FBXL20: variants seen among roughly 807,000 people sequenced by gnomAD.
FBXL20 encodes the protein F-box/LRR-repeat protein 20.
FBXL20 carries 11 observed loss-of-function variants against 64.0 expected under a neutral mutation model. The ratio of observed to expected loss-of-function variants is 0.17; its 90% CI spans 0.11 to 0.28. The LOEUF is 0.28. FBXL20 is among the 10% of genes least tolerant of loss of function. The pLI is 1.00. For synonymous variants in FBXL20, 184 were observed against 189.0 expected (o/e 0.97, Z 0.22); for missense variants, 303 against 526.2 (o/e 0.58, Z 4.15).
intron 2 of FBXL20, among the ~76,000 whole-genome samples, chr17:39,310,912 G>T (rs989870225): frequency 1.3e-5 from 2 of 151,892 alleles, no homozygotes; most frequent in South Asian, 2.1e-4. Context: ...TTGAACCCAG[G>T]GGGGCAGAGG....
intron 1 of FBXL20, among the ~76,000 whole-genome samples, chr17:39,372,393 C>A (rs1295284552): frequency 6.6e-6 from 1 of 150,920 alleles, no homozygotes; most frequent in Non-Finnish European, 1.5e-5. Flanking sequence ...GTGACGTGCG[C>A]CTGTAGTCCC....
At chr17:39,346,137 T>C (rs568661519) in intron 1 of FBXL20, among the ~76,000 whole-genome samples, 30 of 151,974 alleles carry the variant, frequency 2.0e-4, no homozygotes, top group African/African-American at 6.8e-4. Context: ...GCCTGGGCAA[T>C]ATAGTGAGAT....
intron 2 of FBXL20, among the ~76,000 whole-genome samples, chr17:39,315,870 A>AGAGCGC (rs1267884348): frequency 7.2e-6 from 1 of 139,318 alleles, no homozygotes; most frequent in East Asian, 2.0e-4. Flanking sequence ...AGAGAGAGAG[A>AGAGCGC]GCAACTGTAG....
At chr17:39,386,690 C>T (rs190014571) in intron 1 of FBXL20, among the ~76,000 whole-genome samples, 3 of 152,208 alleles carry the variant, frequency 2.0e-5, no homozygotes, top group African/African-American at 7.2e-5. Context: ...TAAAGAGTAC[C>T]ATTAGCATGA....
chr17:39,358,581 C>T (rs140382198), intron 1 of FBXL20, among the ~76,000 whole-genome samples: 34 of 152,078 alleles, frequency 2.2e-4, no homozygotes, highest in African/African-American at 7.7e-4. Context: ...TACTCAGAGG[C>T]TAAGGCAGGA....
chr17:39,322,874 G>A (rs1469386774), intron 2 of FBXL20, among the ~76,000 whole-genome samples: 2 of 151,852 alleles, frequency 1.3e-5, no homozygotes, highest in African/African-American at 2.4e-5. Context: ...GTGCAATCTC[G>A]GCTCACTGCA....
chr17:39,398,573 C>T (rs8076843), intron 1 of FBXL20, among the ~76,000 whole-genome samples: 7,828 of 152,166 alleles, frequency 0.051, 666 homozygotes, highest in African/African-American at 0.18. Flanking sequence ...ATTTTCACAT[C>T]TCTTGATCTC....
Position 39,301,665 on chromosome 17 carries a change from T to C in FBXL20, c.160-590A>G, listed in dbSNP as rs1053813559. Among the ~76,000 whole-genome samples the C allele has an allele frequency of 2.6e-5, 4 of 151,598 alleles. No individual in the cohort carries two copies. In the East Asian group the frequency reaches 5.8e-4, roughly 22 times the overall value. On this transcript the variant is annotated intron_variant, in intron 3 of 14. Coordinates refer to ENST00000264658, the MANE Select transcript of FBXL20 (RefSeq NM_032875.3). The stretch of plus-strand genomic sequence containing the variant: ...ATCACTTGAACCTGGGAGGCGGAGG[T>C]TGCAGTGAGCCAAGATTGTGCCACT...
chr17:39,386,024 C>CAAAA (rs35967171), intron 1 of FBXL20, among the ~76,000 whole-genome samples: 11 of 39,568 alleles, frequency 2.8e-4, no homozygotes, highest in African/African-American at 8.8e-4. Flanking sequence ...GATTCCGTCT[C>CAAAA]AAAAAAAAAA....
At chr17:39,385,245 GCACACA>G (rs143104131) in intron 1 of FBXL20, among the ~76,000 whole-genome samples, 2 of 150,146 alleles carry the variant, frequency 1.3e-5, no homozygotes, top group Admixed American at 6.6e-5. Flanking sequence ...GCGCGTGCGT[GCACACA>G]CACACACACA....
At chr17:39,287,163 G>C (rs988169485) in intron 6 of FBXL20, among the ~76,000 whole-genome samples, 1 of 151,774 alleles carries the variant, frequency 6.6e-6, no homozygotes, top group Non-Finnish European at 1.5e-5. Context: ...TGCCCGCCTC[G>C]GCCTCCCAAA....
intron 2 of FBXL20, among the ~76,000 whole-genome samples, chr17:39,307,610 C>CAATA (rs1160121007): frequency 6.6e-6 from 1 of 152,122 alleles, no homozygotes; most frequent in East Asian, 1.9e-4. Context: ...AAGATAGGTA[C>CAATA]TATTAGCATT....
At chr17:39,402,429 C>G (rs1211220747), upstream of FBXL20, 1 of 377,746 alleles carries the variant, frequency 2.6e-6, no homozygotes, top group Non-Finnish European at 4.7e-6. Context: ...AGCAACAGGC[C>G]AAGTGCCCGC....
chr17:39,359,179 T>C (rs1451773155), intron 1 of FBXL20, among the ~76,000 whole-genome samples: 1 of 151,594 alleles, frequency 6.6e-6, no homozygotes, highest in Non-Finnish European at 1.5e-5. Flanking sequence ...AAAAAAAATA[T>C]AAAAAATTAG....
At chr17:39,278,391 C>T (rs1202275483) in intron 9 of FBXL20, among the ~76,000 whole-genome samples, 1 of 151,980 alleles carries the variant, frequency 6.6e-6, no homozygotes, top group African/African-American at 2.4e-5. Context: ...GGTGATTCAC[C>T]CGCCTTGGCC....
intron 2 of FBXL20, among the ~76,000 whole-genome samples, chr17:39,316,746 G>A (rs992904542): frequency 1.3e-5 from 2 of 152,244 alleles, no homozygotes; most frequent in African/African-American, 4.8e-5. Context: ...AGCACTTTGG[G>A]AGGCCAAGGC....
In FBXL20 at chr17:39,401,492, G is replaced by C. The variant is rs975350646; in HGVS notation, c.-90C>G. 12 of 1,509,464 alleles carry C rather than the reference G, an allele frequency of 7.9e-6. No homozygotes were observed. In the South Asian group the frequency reaches 1.5e-4, roughly 19 times the overall value. The allele number at this position is 1,509,464 out of a possible 1,614,324, so 93.5% of individuals were successfully genotyped here. Reference sequence around the variant, plus strand: ...GGACAGGCCCGGGAGTTCCGGGACGGGGACTGGGCGCCGGAGGGGTGACGC... The same window carrying C: ...GGACAGGCCCGGGAGTTCCGGGACGCGGACTGGGCGCCGGAGGGGTGACGC... On this transcript the variant is annotated 5_prime_UTR_variant, in exon 1 of 15. Coordinates refer to ENST00000264658, the MANE Select transcript of FBXL20 (RefSeq NM_032875.3).
Position 39,261,466 on chromosome 17 carries a change from G to C in FBXL20, c.1305C>G (p.Ile435Met), listed in dbSNP as rs1219375487. Reference protein sequence around the residue: ...SRQRFCRCCIIL With the variant: ...SRQRFCRCCIML ...AGGTTGACCACCTCCATTGTCATAGGATGATGCAGCATCTGCAGAAGCGCT... is the reference window on the plus strand; with the variant it reads ...AGGTTGACCACCTCCATTGTCATAGCATGATGCAGCATCTGCAGAAGCGCT... The change falls in exon 15 of 15, where the codon ATC becomes ATG. Residue 435 changes from isoleucine (I) to methionine (M), a missense_variant. By Grantham distance (10) the Ile-to-Met change is conservative (BLOSUM62 1). Transcript: ENST00000264658. 6.2e-7 allele frequency: 1 copy of C among 1,612,934 alleles called. No individual in the cohort carries two copies. Among genetic ancestry groups the C allele is most frequent in the African/African-American group, 1.3e-5 (1 of 75,028 alleles).
At position 39,256,236 on chromosome 17, in the gene FBXL20, A is replaced by T. The variant is rs1270646673; in HGVS notation, c.*5224T>A. 5 of 149,766 alleles carry T rather than the reference A, an allele frequency of 3.3e-5. No homozygotes were observed. The East Asian group carries it at 9.9e-4, about 30-fold the overall frequency. The allele number at this position is 149,766 out of a possible 1,614,324, so 9.3% of individuals were successfully genotyped here. A position where few individuals can be genotyped will look rare whatever the true frequency, so the allele number is the denominator to read the frequency against. ...CTTGGGAGGCTGAAACAGAAGAATC[A>T]CTTGAACCCAGGAGGCAGAGGTTGC... On this transcript the variant is annotated 3_prime_UTR_variant, in exon 15 of 15. Transcript: ENST00000264658.
Sources: gnomAD v4.1 joint callset for allele counts (sites outside exome capture counted in the v4.1 genomes callset) on GRCh38, gnomAD v4.1.1 for gene constraint, MANE v1.5 for transcripts, NCBI Gene and HGNC (gene_info 2026-07-23, HGNC 2026-07-21) for gene names.